The following INSL6 variants were observed in gnomAD, a reference collection of about 807,000 sequenced individuals.
The protein encoded by INSL6 is insulin-like peptide INSL6.
In INSL6, 16 loss-of-function variants were observed where a neutral mutation model predicts 9.4. The ratio of observed to expected loss-of-function variants is 1.70; its 90% CI spans 1.15 to 2.59. The LOEUF (loss-of-function observed/expected upper bound fraction) is 2.59. Among genes scored for constraint, INSL6 ranks in the 30% most tolerant of loss-of-function variants. The pLI, the probability that INSL6 is intolerant of heterozygous loss-of-function variation, is 0.00. For missense variants in INSL6, 391 were observed against 257.3 expected, an observed-to-expected ratio of 1.52 and a Z score of -3.56; for synonymous variants, 154 against 96.9, an observed-to-expected ratio of 1.59 and a Z score of -3.46.
At chr9:5,064,096 C>T in the INSL6 span, among the ~76,000 whole-genome samples, 1 of 152,142 alleles carries the variant, frequency 6.6e-6, no homozygotes, top group African/African-American at 2.4e-5. Context: ...GCAGAAGTTG[C>T]AGTGAGCCAA....
chr9:5,084,082 C>T, the INSL6 span, among the ~76,000 whole-genome samples: 1 of 151,820 alleles, frequency 6.6e-6, no homozygotes, highest in Admixed American at 6.6e-5. Context: ...TAGTGTTTTC[C>T]ATAGTTCCGT....
the INSL6 span, among the ~76,000 whole-genome samples, chr9:5,017,479 A>G: frequency 9.2e-5 from 14 of 152,248 alleles, no homozygotes; most frequent in African/African-American, 2.6e-4. Flanking sequence ...TATAGTTTCT[A>G]TGTCATTTAT....
chr9:5,185,298 C>G lies in INSL6; in HGVS notation c.289+16G>C, dbSNP rs373898403. 6.2e-6 allele frequency: 10 copies of G among 1,614,048 alleles called. No individual in the cohort carries two copies. The highest frequency in any genetic ancestry group is 8.5e-6 in the Non-Finnish European group (10 of 1,179,994). On this transcript the variant is annotated intron_variant, in intron 1 of 1. Coordinates refer to ENST00000381641, the MANE Select transcript of INSL6 (RefSeq NM_007179.3). ...ATACAGAGGTGAACAAACATGCCTT[C>G]GGTTTCGATTTTTACCTGGGTTTGT...
chr9:5,130,985 T>A (rs1451859510), intron 3 of INSL6, among the ~76,000 whole-genome samples: 1 of 152,070 alleles, frequency 6.6e-6, no homozygotes, highest in East Asian at 1.9e-4. Flanking sequence ...CGCCTCGGCC[T>A]CCCAAAGTGT....
intron 2 of INSL6, among the ~76,000 whole-genome samples, chr9:5,158,500 T>C (rs1335572542): frequency 6.6e-6 from 1 of 152,002 alleles, no homozygotes; most frequent in Non-Finnish European, 1.5e-5. Context: ...AAACAAGATA[T>C]TAATACAATG....
the INSL6 span, among the ~76,000 whole-genome samples, chr9:4,999,606 T>G: frequency 2.6e-5 from 4 of 152,200 alleles, no homozygotes; most frequent in South Asian, 8.3e-4. Context: ...TCTGCAAGCT[T>G]GAGGAGCAAG....
At chr9:5,114,743 G>C in the INSL6 span, 1 of 344,568 alleles carries the variant, frequency 2.9e-6, no homozygotes, top group Non-Finnish European at 5.7e-6. Context: ...TCTGCTCTGT[G>C]GTCCATGAGA....
chr9:5,184,158 C>CA (rs1046205844), intron 1 of INSL6, among the ~76,000 whole-genome samples: 2 of 152,048 alleles, frequency 1.3e-5, no homozygotes, highest in African/African-American at 2.4e-5. Flanking sequence ...TCATTCATTC[C>CA]AAAAAAGCTA....
At chr9:5,061,648 G>A in the INSL6 span, among the ~76,000 whole-genome samples, 4 of 152,174 alleles carry the variant, frequency 2.6e-5, no homozygotes, top group African/African-American at 9.7e-5. Flanking sequence ...CTTCTATCTA[G>A]AACTTTCTCT....
At chr9:5,155,340 G>A (rs1162608296) in intron 2 of INSL6, among the ~76,000 whole-genome samples, 1 of 132,840 alleles carries the variant, frequency 7.5e-6, no homozygotes. Context: ...TTGGGGGAGG[G>A]GGGAGGGATA....
downstream of INSL6, among the ~76,000 whole-genome samples, chr9:5,120,100 G>C (rs1200994506): frequency 6.6e-6 from 1 of 152,212 alleles, no homozygotes; most frequent in Non-Finnish European, 1.5e-5. Context: ...GTGCTGGCAG[G>C]TTCAGGCGTC....
the INSL6 span, among the ~76,000 whole-genome samples, chr9:5,014,322 C>G: frequency 2.0e-5 from 3 of 151,958 alleles, no homozygotes; most frequent in Admixed American, 1.3e-4. Flanking sequence ...ACTCTTTATT[C>G]AACAGATTTG....
chr9:5,098,863 T>C, the INSL6 span: 1 of 152,114 alleles, frequency 6.6e-6, no homozygotes, highest in Non-Finnish European at 1.5e-5. Flanking sequence ...CTGGGTAATT[T>C]TTTTGTATTT....
At chr9:5,013,246 G>A in the INSL6 span, among the ~76,000 whole-genome samples, 1 of 152,026 alleles carries the variant, frequency 6.6e-6, no homozygotes, top group African/African-American at 2.4e-5. Flanking sequence ...GTGGTCTTTA[G>A]AGTACAATAC....
the INSL6 span, among the ~76,000 whole-genome samples, chr9:4,994,349 C>G: frequency 5.9e-5 from 9 of 152,140 alleles, no homozygotes; most frequent in African/African-American, 1.2e-4. Context: ...TGGTTCTTAT[C>G]AGAATTACCT....
the INSL6 span, among the ~76,000 whole-genome samples, chr9:5,009,962 A>G: frequency 4.2e-3 from 641 of 152,226 alleles, 7 homozygotes; most frequent in African/African-American, 0.015. Flanking sequence ...TTGTAGAGAC[A>G]GGGTCTCGCA....
At chr9:5,032,084 A>G in the INSL6 span, among the ~76,000 whole-genome samples, 1 of 152,162 alleles carries the variant, frequency 6.6e-6, no homozygotes, top group South Asian at 2.1e-4. Flanking sequence ...TTCTAACGGT[A>G]TTAGCAAATG....
intron 3 of INSL6, among the ~76,000 whole-genome samples, chr9:5,130,855 C>T (rs1048508690): frequency 1.3e-5 from 2 of 150,302 alleles, no homozygotes; most frequent in African/African-American, 2.4e-5. Context: ...CAGCCTCCCG[C>T]GTAGCTGGGA....
At chr9:5,099,958 A>G in the INSL6 span, 2 of 152,300 alleles carry the variant, frequency 1.3e-5, no homozygotes, top group Admixed American at 6.5e-5. Flanking sequence ...AGGCACACCT[A>G]TGCCACTTAT....
Sources: gnomAD v4.1 joint callset for allele counts (sites outside exome capture counted in the v4.1 genomes callset) on GRCh38, gnomAD v4.1.1 for gene constraint, MANE v1.5 for transcripts, NCBI Gene and HGNC (gene_info 2026-07-23, HGNC 2026-07-21) for gene names.